Variants in RBFOX1 observed in about 807,000 individuals in gnomAD.
RBFOX1 encodes the protein RNA binding fox-1 homolog 1.
Under a neutral mutation model 57.7 loss-of-function variants are expected in RBFOX1, and 8 were observed. That is an observed-to-expected ratio of 0.14 (90% CI 0.08 to 0.25). The LOEUF is 0.25. Among genes scored for constraint, RBFOX1 ranks in the 10% least tolerant of loss-of-function variants. RBFOX1 has a pLI of 1.00. For missense variants in RBFOX1, 611 were observed against 548.5 expected (o/e 1.11, Z -1.14); for synonymous variants, 326 against 222.4 (o/e 1.47, Z -4.15).
intron 4 of RBFOX1, among the ~76,000 whole-genome samples, chr16:7,466,955 C>T (rs1182245729): frequency 6.6e-6 from 1 of 152,164 alleles, no homozygotes; most frequent in African/African-American, 2.4e-5. Flanking sequence ...CACATATTTA[C>T]AGAGCACCCA....
At chr16:7,153,158 G>C (rs1055469950) in intron 4 of RBFOX1, among the ~76,000 whole-genome samples, 1 of 151,538 alleles carries the variant, frequency 6.6e-6, no homozygotes, top group Non-Finnish European at 1.5e-5. Context: ...CTTTCCTCCT[G>C]TTATGAATCC....
chr16:6,706,960 T>C (rs1043275473), intron 3 of RBFOX1, among the ~76,000 whole-genome samples: 1 of 152,118 alleles, frequency 6.6e-6, no homozygotes, highest in Non-Finnish European at 1.5e-5. Flanking sequence ...CATGAAAAAT[T>C]ACAAACGTGT....
intron 3 of RBFOX1, among the ~76,000 whole-genome samples, chr16:6,958,042 C>G (rs74008474): frequency 0.028 from 4,336 of 152,166 alleles, 205 homozygotes; most frequent in African/African-American, 0.095. Flanking sequence ...AGGCATGGTT[C>G]ATCGAGGGGC....
intron 3 of RBFOX1, among the ~76,000 whole-genome samples, chr16:6,840,562 C>T (rs1008244647): frequency 5.3e-5 from 8 of 152,046 alleles, no homozygotes; most frequent in African/African-American, 1.9e-4. Context: ...GGCCATAGAG[C>T]ATAGCCCTCA....
intron 4 of RBFOX1, among the ~76,000 whole-genome samples, chr16:5,931,008 G>A (rs1442613609): frequency 1.3e-5 from 2 of 151,992 alleles, no homozygotes; most frequent in Admixed American, 1.3e-4. Flanking sequence ...GTGGGAGGGT[G>A]GTTGAATGGA....
intron 2 of RBFOX1, among the ~76,000 whole-genome samples, chr16:5,573,576 G>T (rs1421689018): frequency 6.6e-6 from 1 of 152,168 alleles, no homozygotes; most frequent in Non-Finnish European, 1.5e-5. Context: ...TTCCTTTAAA[G>T]GAGGCCTTGT....
intron 4 of RBFOX1, among the ~76,000 whole-genome samples, chr16:5,904,529 C>G (rs942244789): frequency 6.6e-6 from 1 of 151,696 alleles, no homozygotes; most frequent in Non-Finnish European, 1.5e-5. Flanking sequence ...AGTGGGTAGG[C>G]GGAAGGCAGG....
At position 6,716,998 on chromosome 16, in the gene RBFOX1, G is replaced by A. The variant is rs112619554; in HGVS notation, c.-16+62348G>A. Among the ~76,000 whole-genome samples the A allele has an allele frequency of 9.8e-3, 1,492 of 152,278 alleles. 22 individuals are homozygous for A. The highest frequency in any genetic ancestry group is 0.034 in the African/African-American group (1,420 of 41,550). ...ATTAGTGCCCTTATAAGAAGAGACA[G>A]AAGAGCTTGCTTTCTCTCTTTTCTC... is the stretch of plus-strand genomic sequence containing the variant. On this transcript the variant is annotated intron_variant, in intron 3 of 15. Coordinates refer to ENST00000550418, the MANE Select transcript of RBFOX1 (RefSeq NM_018723.4).
chr16:6,714,805 A>G (rs575677502), intron 3 of RBFOX1, among the ~76,000 whole-genome samples: 1 of 152,174 alleles, frequency 6.6e-6, no homozygotes, highest in South Asian at 2.1e-4. Flanking sequence ...AAACTGGCTT[A>G]TTTCTTTGAA....
At chr16:7,564,175 G>A (rs138203284) in intron 5 of RBFOX1, among the ~76,000 whole-genome samples, 17 of 152,200 alleles carry the variant, frequency 1.1e-4, no homozygotes, top group East Asian at 3.9e-4. Flanking sequence ...AGTAGAGCCC[G>A]ATGAGACAGT....
intron 1 of RBFOX1, among the ~76,000 whole-genome samples, chr16:5,458,312 C>G (rs868739549): frequency 7.2e-5 from 11 of 151,762 alleles, no homozygotes; most frequent in Non-Finnish European, 1.2e-4. Flanking sequence ...TTTATTAGAG[C>G]TCATGGGAAT....
chr16:5,581,186 G>T lies in RBFOX1; in HGVS notation c.259-17716G>T, dbSNP rs371392544. Among the ~76,000 whole-genome samples the T allele has an allele frequency of 5.3e-5, 8 of 152,220 alleles. No homozygotes were observed. The East Asian group carries it at 1.2e-3, about 22-fold the overall frequency. The stretch of plus-strand genomic sequence containing the variant: ...GTGCATTTTTTTTTCTGACAGAAAA[G>T]AAACTAGAAGCTAAAGCAAGAGTCT... On this transcript the variant is annotated intron_variant, in intron 2 of 2. Coordinates refer to the RBFOX1 transcript ENST00000585867.
intron 3 of RBFOX1, among the ~76,000 whole-genome samples, chr16:5,828,717 ATGGAACCT>A (rs1220635970): frequency 2.6e-5 from 4 of 152,174 alleles, no homozygotes; most frequent in Admixed American, 2.0e-4. Context: ...AAAGAAAAAA[ATGGAACCT>A]TGTCAAAGTT....
chr16:7,517,358 CTG>C (rs1600661069), intron 4 of RBFOX1, among the ~76,000 whole-genome samples: 2 of 152,058 alleles, frequency 1.3e-5, no homozygotes, highest in East Asian at 1.9e-4. Flanking sequence ...ATATAATACT[CTG>C]TGCTCATAAA....
At chr16:6,128,997 A>C (rs2096610288) in intron 1 of RBFOX1, among the ~76,000 whole-genome samples, 1 of 152,226 alleles carries the variant, frequency 6.6e-6, no homozygotes, top group South Asian at 2.1e-4. Context: ...AACAGGATCA[A>C]ATGACACTCT....
At chr16:5,242,408 GATTTTCA>G (rs1354666820) in intron 1 of RBFOX1, among the ~76,000 whole-genome samples, 2 of 152,182 alleles carry the variant, frequency 1.3e-5, no homozygotes, top group Non-Finnish European at 2.9e-5. Flanking sequence ...AGGGAATCTT[GATTTTCA>G]AACTTAAAAT....
intron 4 of RBFOX1, among the ~76,000 whole-genome samples, chr16:5,908,549 C>G (rs2058534801): frequency 6.6e-6 from 1 of 151,954 alleles, no homozygotes; most frequent in Non-Finnish European, 1.5e-5. Flanking sequence ...GAAGCGTTTT[C>G]ACCATATTGG....
chr16:7,033,162 G>A (rs950696251), intron 3 of RBFOX1, among the ~76,000 whole-genome samples: 2 of 152,162 alleles, frequency 1.3e-5, no homozygotes, highest in African/African-American at 4.8e-5. Flanking sequence ...CTGATGACGA[G>A]GCGGTAAAGG....
At chr16:7,693,714 C>T (rs1249268719) in intron 14 of RBFOX1, among the ~76,000 whole-genome samples, 1 of 152,044 alleles carries the variant, frequency 6.6e-6, no homozygotes, top group Non-Finnish European at 1.5e-5. Flanking sequence ...GTATGACTTC[C>T]ATGTTTTTTG....
Sources: gnomAD v4.1 joint callset for allele counts (sites outside exome capture counted in the v4.1 genomes callset) on GRCh38, gnomAD v4.1.1 for gene constraint, MANE v1.5 for transcripts, NCBI Gene and HGNC (gene_info 2026-07-23, HGNC 2026-07-21) for gene names.